RBFOX3: variants seen among roughly 807,000 people sequenced by gnomAD.
RBFOX3 encodes RNA binding fox-1 homolog 3.
Under a neutral mutation model 48.7 loss-of-function variants are expected in RBFOX3, and 17 were observed. That is an observed-to-expected ratio of 0.35 (90% CI 0.24 to 0.52). The LOEUF (loss-of-function observed/expected upper bound fraction) is 0.52. Ranked by LOEUF, RBFOX3 falls within the 20% of genes least tolerant of loss-of-function variation. The pLI, the probability that RBFOX3 is intolerant of heterozygous loss-of-function variation, is 0.94. For synonymous variants in RBFOX3, 212 were observed against 209.5 expected, an observed-to-expected ratio of 1.01 and a Z score of -0.10; for missense variants, 382 against 497.5, an observed-to-expected ratio of 0.77 and a Z score of 2.21.
intron 3 of RBFOX3, among the ~76,000 whole-genome samples, chr17:79,305,492 C>A (rs1171907658): frequency 6.6e-6 from 1 of 152,210 alleles, no homozygotes. Flanking sequence ...TTTCCCAAGG[C>A]AGGGCAGAGC....
At chr17:79,107,435 G>A (rs1409669268) in intron 5 of RBFOX3, among the ~76,000 whole-genome samples, 1 of 152,242 alleles carries the variant, frequency 6.6e-6, no homozygotes, top group Non-Finnish European at 1.5e-5. Context: ...GGCTCCCAAA[G>A]ACTTGGGTCT....
intron 3 of RBFOX3, among the ~76,000 whole-genome samples, chr17:79,287,705 GC>G (rs2072277745): frequency 6.6e-6 from 1 of 152,130 alleles, no homozygotes; most frequent in South Asian, 2.1e-4. Context: ...TGGCAGGGAA[GC>G]TTAAAGAAAG....
chr17:79,632,579 G>A, the RBFOX3 span, among the ~76,000 whole-genome samples: 3 of 152,008 alleles, frequency 2.0e-5, no homozygotes, highest in Non-Finnish European at 1.5e-5. Context: ...GGAAGCCAGT[G>A]CTCTTCCCTG....
intron 4 of RBFOX3, among the ~76,000 whole-genome samples, chr17:79,215,712 C>T (rs1029073657): frequency 6.6e-6 from 1 of 152,266 alleles, no homozygotes; most frequent in African/African-American, 2.4e-5. Context: ...CGTAGCCCAG[C>T]AGGAGCGTAT....
At chr17:79,099,216 TG>T (rs534770658) in intron 9 of RBFOX3, 48 of 152,622 alleles carry the variant, frequency 3.1e-4, no homozygotes, top group Middle Eastern at 3.4e-3. Context: ...CTCGACCTCC[TG>T]GGCTCAAGCG....
chr17:79,663,763 T>C, the RBFOX3 span, among the ~76,000 whole-genome samples: 1 of 148,748 alleles, frequency 6.7e-6, no homozygotes, highest in African/African-American at 2.5e-5. Flanking sequence ...GAAGTTATCC[T>C]ACTAGAAGTT....
At chr17:79,230,524 G>C (rs1270180016) in intron 4 of RBFOX3, among the ~76,000 whole-genome samples, 2 of 152,042 alleles carry the variant, frequency 1.3e-5, no homozygotes, top group African/African-American at 4.8e-5. Context: ...CTCCCAAAGT[G>C]CTGGGATTAC....
the RBFOX3 span, among the ~76,000 whole-genome samples, chr17:79,665,025 T>G: frequency 2.0e-5 from 3 of 152,194 alleles, no homozygotes; most frequent in Admixed American, 6.5e-5. Context: ...ACACTGGGGT[T>G]GCTTCCATCT....
chr17:79,435,372 T>A (rs940229477), intron 2 of RBFOX3, among the ~76,000 whole-genome samples: 2 of 152,160 alleles, frequency 1.3e-5, no homozygotes, highest in African/African-American at 4.8e-5. Flanking sequence ...ATGCCCTGAG[T>A]GTCCCCCACA....
At chr17:79,492,880 C>T (rs2080896160) in intron 1 of RBFOX3, among the ~76,000 whole-genome samples, 2 of 152,212 alleles carry the variant, frequency 1.3e-5, no homozygotes, top group Admixed American at 6.5e-5. Flanking sequence ...GAGAGAAAGG[C>T]CCGTGAGGAG....
intron 3 of RBFOX3, among the ~76,000 whole-genome samples, chr17:79,300,357 A>C (rs2075111517): frequency 6.6e-6 from 1 of 152,242 alleles, no homozygotes; most frequent in Non-Finnish European, 1.5e-5. Context: ...AAGCACCCAG[A>C]ATCCAGTAGA....
chr17:79,383,240 C>T (rs1389500919), intron 2 of RBFOX3, among the ~76,000 whole-genome samples: 1 of 152,214 alleles, frequency 6.6e-6, no homozygotes, highest in Non-Finnish European at 1.5e-5. Flanking sequence ...AGCCACCCCT[C>T]GCCTCCTTCA....
chr17:79,516,437 C>A (rs2085261397), intron 1 of RBFOX3, among the ~76,000 whole-genome samples: 1 of 152,230 alleles, frequency 6.6e-6, no homozygotes, highest in Non-Finnish European at 1.5e-5. Context: ...CAGGCTCTCA[C>A]CCCATGTAGG....
chr17:79,361,893 T>C lies in RBFOX3; in HGVS notation c.-174-54069A>G, dbSNP rs1185162952. 2.0e-5 allele frequency among the ~76,000 whole-genome samples: 3 copies of C among 152,262 alleles called. No homozygotes were observed. Among genetic ancestry groups the C allele is most frequent in the South Asian group, 2.1e-4 (1 of 4,836 alleles). On this transcript the variant is annotated intron_variant, in intron 2 of 14. Coordinates refer to ENST00000693108, the MANE Select transcript of RBFOX3 (RefSeq NM_001350451.2). The surrounding 1 kb of genome is among the most constrained non-coding windows in gnomAD (Gnocchi z 4.5). Reference sequence around the variant, plus strand: ...ATTTCTCTGTTTCTTTATTTGTTCATTAAAACTTCAATAAAAATGTTATAA... The same window carrying C: ...ATTTCTCTGTTTCTTTATTTGTTCACTAAAACTTCAATAAAAATGTTATAA...
chr17:79,425,341 G>A (rs1478836581), intron 2 of RBFOX3, among the ~76,000 whole-genome samples: 1 of 152,160 alleles, frequency 6.6e-6, no homozygotes, highest in African/African-American at 2.4e-5. Context: ...GGGAGGGCCT[G>A]GGGGGGCTTG....
chr17:79,154,980 C>T (rs1038658772), intron 4 of RBFOX3, among the ~76,000 whole-genome samples: 5 of 152,186 alleles, frequency 3.3e-5, no homozygotes, highest in Non-Finnish European at 7.4e-5. Context: ...GGCAGCCCAG[C>T]CTCGGCGTCT....
At chr17:79,628,679 AC>A in the RBFOX3 span, among the ~76,000 whole-genome samples, 1 of 152,162 alleles carries the variant, frequency 6.6e-6, no homozygotes, top group African/African-American at 2.4e-5. Flanking sequence ...AGAAGGAAAG[AC>A]CTTACCCATG....
In RBFOX3 at chr17:79,364,265, G is replaced by T. The variant is rs185291069; in HGVS notation, c.-174-56441C>A. Among the ~76,000 whole-genome samples, 1 of 152,360 alleles carries T rather than the reference G, an allele frequency of 6.6e-6. No homozygotes were observed. Among genetic ancestry groups the T allele is most frequent in the Non-Finnish European group, 1.5e-5 (1 of 68,038 alleles). ...AGAGATGGTAGCCATCAGTTGACAG[G>T]ATCACCAAATCCCAAATCTCCATTT... On this transcript the variant is annotated intron_variant, in intron 2 of 14. Coordinates refer to ENST00000693108, the MANE Select transcript of RBFOX3 (RefSeq NM_001350451.2). The surrounding 1 kb of genome is among the most constrained non-coding windows in gnomAD (Gnocchi z 5.1).
intron 1 of RBFOX3, among the ~76,000 whole-genome samples, chr17:79,537,643 C>T (rs114359403): frequency 1.3e-5 from 2 of 152,168 alleles, no homozygotes; most frequent in Non-Finnish European, 2.9e-5. Context: ...TGAACAAAAA[C>T]GGACAAATCT....
Sources: gnomAD v4.1 joint callset for allele counts (sites outside exome capture counted in the v4.1 genomes callset) on GRCh38, gnomAD v4.1.1 for gene constraint, Gnocchi (gnomAD v3.1) non-coding constraint, MANE v1.5 for transcripts, NCBI Gene and HGNC (gene_info 2026-07-23, HGNC 2026-07-21) for gene names.